Variants in ERMP1 observed in about 807,000 individuals in gnomAD.
The protein encoded by ERMP1 is Felix-ina.
Under a neutral mutation model 92.0 loss-of-function variants are expected in ERMP1, and 86 were observed. That is an observed-to-expected ratio of 0.93 (90% CI 0.79 to 1.12). The LOEUF is 1.12. Among genes scored for constraint, ERMP1 ranks in the 50% most tolerant of loss-of-function variants. The probability of loss-of-function intolerance (pLI) is 0.00; values close to 1 mark genes in which losing one functional copy is unlikely to be tolerated. For missense variants in ERMP1, 1,342 were observed against 1,116.3 expected, an observed-to-expected ratio of 1.20 and a Z score of -2.88; for synonymous variants, 530 against 412.8, an observed-to-expected ratio of 1.28 and a Z score of -3.44.
At chr9:5,796,331 G>C (rs1483386211) in intron 13 of ERMP1, among the ~76,000 whole-genome samples, 1 of 152,202 alleles carries the variant, frequency 6.6e-6, no homozygotes, top group African/African-American at 2.4e-5. Flanking sequence ...GACAGTTGTG[G>C]TATGGGCAAA....
intron 8 of ERMP1, among the ~76,000 whole-genome samples, 154 bp from the exon 9 acceptor site, chr9:5,805,939 G>A (rs1828855134): frequency 6.6e-6 from 1 of 152,148 alleles, no homozygotes; most frequent in Non-Finnish European, 1.5e-5. Flanking sequence ...CACTAACAAA[G>A]CTACCTCCCC....
Position 5,830,751 on chromosome 9 carries a change from A to G in ERMP1, c.616T>C (p.Phe206Leu). The change falls in exon 2 of 15, where the codon TTT becomes CTT. Residue 206 changes from phenylalanine (F) to leucine (L), a missense_variant. Phe to Leu is a conservative substitution (Grantham distance 22, BLOSUM62 0). Transcript: ENST00000339450. ...CCTGGTGAGTTTGCTACTGAGTCAA[A>G]ATGACAATTAGCCAAGACAGCATGC... Reference protein sequence around the residue: ...AQHAVLANCHFDSVANSPGAS... With the variant: ...AQHAVLANCHLDSVANSPGAS... 1 of 1,612,882 alleles carries G rather than the reference A, an allele frequency of 6.2e-7. No individual in the cohort carries two copies. The highest frequency in any genetic ancestry group is 8.5e-7 in the Non-Finnish European group (1 of 1,179,200).
rs557523456 is a variant in ERMP1 at position 5,805,227 on chromosome 9, A to G, written c.1724-10T>C. ...AATTTTCCTTGGGCACCTAGGGAAA[A>G]AGAGAAAAAAAGCACACATCTATGA... On this transcript the variant is annotated splice_polypyrimidine_tract_variant and intron_variant, in intron 9 of 14. Coordinates refer to ENST00000339450, the MANE Select transcript of ERMP1 (RefSeq NM_024896.3). The G allele has an allele frequency of 6.3e-7, 1 of 1,591,212 alleles. No homozygotes were observed. Among genetic ancestry groups the G allele is most frequent in the Non-Finnish European group, 8.6e-7 (1 of 1,166,712 alleles).
intron 8 of ERMP1, 23 bp downstream of exon 8, chr9:5,809,988 C>T (rs995047533): frequency 6.6e-7 from 1 of 1,504,278 alleles, no homozygotes; most frequent in East Asian, 2.3e-5. Flanking sequence ...AGAAAGAAAT[C>T]AACAAATATA....
At chr9:5,860,125 T>C (rs573858055) in intron 5 of ERMP1, among the ~76,000 whole-genome samples, 4 of 120,498 alleles carry the variant, frequency 3.3e-5, no homozygotes, top group African/African-American at 3.0e-5. Flanking sequence ...AGTGAGACCT[T>C]GTCTCTACCA....
intron 4 of ERMP1, among the ~76,000 whole-genome samples, chr9:5,818,856 C>T (rs945121065): frequency 1.3e-5 from 2 of 152,210 alleles, no homozygotes; most frequent in African/African-American, 2.4e-5. Context: ...CCAAAATGCA[C>T]ATCTACATTC....
At chr9:5,811,845 A>C (rs1327588476) in intron 6 of ERMP1, among the ~76,000 whole-genome samples, 2 of 152,220 alleles carry the variant, frequency 1.3e-5, no homozygotes, top group African/African-American at 2.4e-5. Context: ...GGAAAACATC[A>C]TGGGAGACTA....
chr9:5,836,839 G>A (rs1830100852), upstream of ERMP1, among the ~76,000 whole-genome samples: 1 of 152,162 alleles, frequency 6.6e-6, no homozygotes, highest in Non-Finnish European at 1.5e-5. Context: ...AGGCACATGA[G>A]CCAGATCTGT....
chr9:5,830,274 G>A (rs1471000098), intron 2 of ERMP1, among the ~76,000 whole-genome samples: 2 of 152,070 alleles, frequency 1.3e-5, no homozygotes, highest in East Asian at 3.9e-4. Flanking sequence ...ATGTGGCCCA[G>A]GGCAGCCAAA....
intron 6 of ERMP1, among the ~76,000 whole-genome samples, chr9:5,842,450 AG>A (rs201180479): frequency 0.21 from 27,866 of 135,792 alleles, 3,012 homozygotes; most frequent in East Asian, 0.47. Flanking sequence ...AAAAAAAAAA[AG>A]AAAGAAAAGA....
intron 6 of ERMP1, chr9:5,856,046 C>A: frequency 2.6e-6 from 1 of 382,822 alleles, no homozygotes; most frequent in East Asian, 8.2e-5. Context: ...GTTATATACC[C>A]TGCTGCAAGG....
intron 13 of ERMP1, among the ~76,000 whole-genome samples, chr9:5,791,668 A>G (rs1294786382): frequency 6.6e-6 from 1 of 152,212 alleles, no homozygotes; most frequent in Non-Finnish European, 1.5e-5. Flanking sequence ...AAAATGTCAT[A>G]TGTCTTGACA....
At position 5,790,168 on chromosome 9, in the gene ERMP1, C is replaced by A. The variant is rs547500710; in HGVS notation, c.2387-2575G>T. ...TTAATTGGTGGGAGTTAAAACAATA[C>A]CTTTTTTTTTTTTTTTTTTTTTTTC... On this transcript the variant is annotated intron_variant, in intron 13 of 14. Transcript: ENST00000339450. Among the ~76,000 whole-genome samples the A allele has an allele frequency of 4.4e-4, 65 of 147,666 alleles. No homozygotes were observed. The East Asian group carries it at 0.012, about 28-fold the overall frequency.
chr9:5,787,152 C>T lies in ERMP1; in HGVS notation c.2707G>A (p.Val903Ile), dbSNP rs200756546. 4.5e-5 allele frequency: 72 copies of T among 1,612,666 alleles called. No individual in the cohort carries two copies. Among genetic ancestry groups the T allele is most frequent in the Non-Finnish European group, 5.9e-5 (69 of 1,179,306 alleles). The change falls in exon 15 of 15, where the codon GTA becomes ATA. Residue 903 changes from valine (V) to isoleucine (I), a missense_variant. Val to Ile is a conservative substitution (Grantham distance 29). Transcript: ENST00000339450. ...AGAGCTCATCCACAAGATTAAAATA[C>T]AAAGAGATCGTAGGTGCACACCCAG... ...SAWVCTYDLF[V>I]F
Position 5,813,036 on chromosome 9 carries a change from C to G in ERMP1, c.875-1G>C. The G allele has an allele frequency of 6.2e-7, 1 of 1,613,702 alleles. No homozygotes were observed. Among genetic ancestry groups the G allele is most frequent in the East Asian group, 2.2e-5 (1 of 44,816 alleles). ...TGAACCAACCAAGGATTTTCAGGACCTAAAATGAAAGATGACAACACAATA... is the reference window on the plus strand; with the variant it reads ...TGAACCAACCAAGGATTTTCAGGACGTAAAATGAAAGATGACAACACAATA... On this transcript the variant is annotated splice_acceptor_variant, in intron 4 of 14. Coordinates refer to ENST00000339450, the MANE Select transcript of ERMP1 (RefSeq NM_024896.3). LOFTEE classifies it high-confidence loss of function.
intron 10 of ERMP1, among the ~76,000 whole-genome samples, chr9:5,802,135 T>C (rs772375808): frequency 1.1e-4 from 17 of 152,176 alleles, no homozygotes; most frequent in Non-Finnish European, 1.5e-5. Context: ...GAGAGAAAGA[T>C]GGACAGCGAG....
intron 6 of ERMP1, among the ~76,000 whole-genome samples, chr9:5,842,600 A>C (rs758797343): frequency 6.6e-6 from 1 of 152,234 alleles, no homozygotes; most frequent in Non-Finnish European, 1.5e-5. Context: ...AAACAAACTT[A>C]TTAATTGTAT....
Position 5,805,761 on chromosome 9 carries a change from C to G in ERMP1, c.1573G>C (p.Glu525Gln). 5 of 1,608,340 alleles carry G rather than the reference C, an allele frequency of 3.1e-6. No homozygotes were observed. Among genetic ancestry groups the G allele is most frequent in the Non-Finnish European group, 4.2e-6 (5 of 1,178,100 alleles). ...AACAGCGAAATGTCAAAAAATACTTCTCCCAGATACTGGGCACTGGCATTC... is the reference window on the plus strand; with the variant it reads ...AACAGCGAAATGTCAAAAAATACTTGTCCCAGATACTGGGCACTGGCATTC... ...YMNASAQYLG[E>Q]VFFDISLFVH... Residue 525 changes from glutamate (E) to glutamine (Q), a missense_variant, in exon 9 of 15, where the codon GAA becomes CAA. Physicochemically the swap from Glu to Gln is conservative, Grantham distance 29. Transcript: ENST00000339450.
chr9:5,866,772 G>A (rs751446916), intron 5 of ERMP1, among the ~76,000 whole-genome samples: 3 of 152,188 alleles, frequency 2.0e-5, no homozygotes, highest in Non-Finnish European at 4.4e-5. Flanking sequence ...GGGAAGAGAG[G>A]GTGGGGATGG....
Sources: allele counts gnomAD v4.1 joint callset (sites outside exome capture counted in the v4.1 genomes callset), GRCh38; gene constraint gnomAD v4.1.1; transcripts MANE v1.5; gene names NCBI Gene and HGNC (gene_info 2026-07-23, HGNC 2026-07-21).